The following DLGAP4 variants were observed in gnomAD, a reference collection of about 807,000 sequenced individuals.
DLGAP4 encodes the protein disks large-associated protein 4.
DLGAP4 carries 18 observed loss-of-function variants against 86.9 expected under a neutral mutation model. The observed-to-expected ratio is 0.21, with a 90% CI of 0.14 to 0.31. The LOEUF is 0.31. DLGAP4 is among the 10% of genes least tolerant of loss of function. The probability of loss-of-function intolerance (pLI) is 1.00; values close to 1 mark genes in which losing one functional copy is unlikely to be tolerated. For synonymous variants in DLGAP4, 548 were observed against 574.3 expected (o/e 0.95, Z 0.65); for missense variants, 1,085 against 1,362.6 (o/e 0.80, Z 3.21).
At chr20:36,411,823 G>A (rs1008891561) in intron 2 of DLGAP4, among the ~76,000 whole-genome samples, 4 of 152,126 alleles carry the variant, frequency 2.6e-5, no homozygotes, top group Non-Finnish European at 4.4e-5. Context: ...CCTCGCCTTT[G>A]GCCATGATTT....
chr20:36,314,040 C>A (rs1321400162), intron 1 of DLGAP4, among the ~76,000 whole-genome samples: 4 of 152,062 alleles, frequency 2.6e-5, no homozygotes. Flanking sequence ...GAAGGGGTGT[C>A]GGCATCTGAC....
intron 1 of DLGAP4, among the ~76,000 whole-genome samples, chr20:36,323,024 C>G (rs1473807703): frequency 1.3e-5 from 2 of 151,486 alleles, no homozygotes; most frequent in African/African-American, 4.8e-5. Flanking sequence ...AAGATACAAA[C>G]ACTAGCTGGG....
chr20:36,428,364 T>G (rs1463209852), intron 2 of DLGAP4, among the ~76,000 whole-genome samples: 1 of 152,198 alleles, frequency 6.6e-6, no homozygotes, highest in East Asian at 1.9e-4. Context: ...TAGGGGAAGA[T>G]GGACAAGAAA....
intron 2 of DLGAP4, among the ~76,000 whole-genome samples, chr20:36,377,270 C>A (rs2031193193): frequency 6.6e-6 from 1 of 152,160 alleles, no homozygotes; most frequent in South Asian, 2.1e-4. Flanking sequence ...AGCAGCTGCA[C>A]CATAGCTTGG....
chr20:36,312,409 C>T (rs1421550425), intron 1 of DLGAP4, among the ~76,000 whole-genome samples: 22 of 152,048 alleles, frequency 1.4e-4, no homozygotes, highest in African/African-American at 4.8e-4. Context: ...ACAGTGCAGC[C>T]GCCCCCCGGC....
chr20:36,366,408 C>T lies in DLGAP4; in HGVS notation c.-303-637C>T, dbSNP rs953430188. Among the ~76,000 whole-genome samples the T allele has an allele frequency of 2.6e-5, 4 of 152,296 alleles. No individual in the cohort carries two copies. In the East Asian group the frequency reaches 7.7e-4, roughly 29 times the overall value. ...CCAGGCAGGAGCAGTGACACCTGTT[C>T]AGGGGAAGTGGGTGGAGAGGGACAC... On this transcript the variant is annotated intron_variant, in intron 1 of 12. Transcript: ENST00000339266.
At chr20:36,396,349 A>ACG (rs1569484508) in intron 2 of DLGAP4, among the ~76,000 whole-genome samples, 2 of 23,028 alleles carry the variant, frequency 8.7e-5, no homozygotes, top group East Asian at 1.1e-3. Context: ...ACACACACAC[A>ACG]CACATACCAC....
At chr20:36,380,623 GAGAGAGAGAGAGAGAGAGAGAGAGA>G (rs2031348129) in intron 2 of DLGAP4, among the ~76,000 whole-genome samples, 7 of 82,152 alleles carry the variant, frequency 8.5e-5, no homozygotes, top group African/African-American at 4.4e-4. Flanking sequence ...GAGAGAGAGA[GAGAGAGAGAGAGAGAGAGAGAGAGA>G]GAGAGAGAGA....
At chr20:36,481,739 C>A (rs1357783672) in intron 7 of DLGAP4, among the ~76,000 whole-genome samples, 2 of 152,088 alleles carry the variant, frequency 1.3e-5, no homozygotes, top group Non-Finnish European at 2.9e-5. Context: ...GTGTGGATCA[C>A]CTTCTGTCTT....
intron 2 of DLGAP4, among the ~76,000 whole-genome samples, chr20:36,395,215 G>T (rs905809405): frequency 2.0e-5 from 3 of 152,138 alleles, no homozygotes; most frequent in African/African-American, 7.2e-5. Flanking sequence ...CTATCACACT[G>T]CATTCTTCTT....
chr20:36,439,646 C>T (rs1450795279), intron 4 of DLGAP4, 108 bp from the exon 5 acceptor site: 12 of 891,416 alleles, frequency 1.3e-5, no homozygotes, highest in Admixed American at 4.3e-5. Context: ...GCGGCTGCAG[C>T]GGGCATCACA....
At position 36,452,826 on chromosome 20, in the gene DLGAP4, C is replaced by CTTTT. The variant is rs1233444372; in HGVS notation, c.1648+5910_1648+5913dup. On this transcript the variant is annotated intron_variant, in intron 7 of 12. Transcript: ENST00000339266. ...CGCTTGGCCTTTTTCTTGTGTAAGTCTTTTTTTTTTTTTTTTTTTTTTTTG... is the reference window on the plus strand; with the variant it reads ...CGCTTGGCCTTTTTCTTGTGTAAGTCTTTTTTTTTTTTTTTTTTTTTTTTTTTTG... Among the ~76,000 whole-genome samples, 73 of 90,794 alleles carry CTTTT rather than the reference C, an allele frequency of 8.0e-4. 1 individual carries two copies. Among genetic ancestry groups the CTTTT allele is most frequent in the African/African-American group, 1.4e-3 (31 of 21,772 alleles). The allele number at this position is 90,794 out of a possible 152,430, so 59.6% of individuals were successfully genotyped here. A position where few individuals can be genotyped will look rare whatever the true frequency, so the allele number is the denominator to read the frequency against.
intron 4 of DLGAP4, 151 bp from the exon 5 acceptor site, chr20:36,439,603 A>C: frequency 1.5e-6 from 1 of 651,204 alleles, no homozygotes; most frequent in Non-Finnish European, 2.7e-6. Context: ...CTCGGGTTTT[A>C]AACAGTCAAA....
rs2032008939 is a variant in DLGAP4 at position 36,396,657 on chromosome 20, C to G, written c.-73+29382C>G. ...CACGCACACACCACACACACACACA[C>G]CACACACATACCACATACACATACC... On this transcript the variant is annotated intron_variant, in intron 2 of 12. Coordinates refer to ENST00000339266, the MANE Select transcript of DLGAP4 (RefSeq NM_001365621.2). Among the ~76,000 whole-genome samples, 3 of 138,214 alleles carry G rather than the reference C, an allele frequency of 2.2e-5. 1 individual carries two copies. In the South Asian group the frequency reaches 7.4e-4, roughly 34 times the overall value. 90.7% of individuals were successfully genotyped at this position (138,214 alleles called of 152,430 possible).
chr20:36,333,170 G>A, intron 1 of DLGAP4, among the ~76,000 whole-genome samples: 1 of 152,086 alleles, frequency 6.6e-6, no homozygotes, highest in Non-Finnish European at 1.5e-5. Flanking sequence ...GGATTCCGAG[G>A]CCATCTGGTC....
chr20:36,427,518 G>A (rs927936991), intron 2 of DLGAP4, among the ~76,000 whole-genome samples: 1 of 151,360 alleles, frequency 6.6e-6, no homozygotes, highest in Non-Finnish European at 1.5e-5. Flanking sequence ...AAGGAAGGAA[G>A]GAAGGAAGGA....
intron 1 of DLGAP4, among the ~76,000 whole-genome samples, chr20:36,313,547 G>GT (rs2065070717): frequency 1.4e-5 from 2 of 146,726 alleles, no homozygotes; most frequent in African/African-American, 2.6e-5. Context: ...CAGCTCTGGG[G>GT]TGGGGGGGGG....
intron 1 of DLGAP4, among the ~76,000 whole-genome samples, chr20:36,331,698 C>T (rs1785212130): frequency 6.6e-6 from 1 of 152,202 alleles, no homozygotes; most frequent in South Asian, 2.1e-4. Context: ...ACTGTGTGCC[C>T]TGGAGACAGA....
At chr20:36,397,170 C>T (rs1320223170) in intron 2 of DLGAP4, among the ~76,000 whole-genome samples, 2 of 152,284 alleles carry the variant, frequency 1.3e-5, no homozygotes, top group Middle Eastern at 3.4e-3. Context: ...CAGCCCTGTA[C>T]TCCCTTGCCA....
Sources: allele counts gnomAD v4.1 joint callset (sites outside exome capture counted in the v4.1 genomes callset), GRCh38; gene constraint gnomAD v4.1.1; transcripts MANE v1.5; gene names NCBI Gene and HGNC (gene_info 2026-07-23, HGNC 2026-07-21).